FMN1: variants seen among roughly 807,000 people sequenced by gnomAD.
FMN1 encodes formin 1, also known as formin-1.
FMN1 carries 110 observed loss-of-function variants against 132.4 expected under a neutral mutation model. The observed-to-expected ratio is 0.83, with a 90% CI of 0.71 to 0.97. The LOEUF is 0.97. Among genes scored for constraint, FMN1 ranks in the 50% least tolerant of loss-of-function variants. FMN1 has a pLI of 0.00. For synonymous variants in FMN1, 722 were observed against 651.7 expected (o/e 1.11, Z -1.64); for missense variants, 1,792 against 1,705.3 (o/e 1.05, Z -0.90).
intron 2 of FMN1, among the ~76,000 whole-genome samples, chr15:33,189,847 C>G (rs567702652): frequency 1.3e-5 from 2 of 152,326 alleles, no homozygotes; most frequent in East Asian, 3.9e-4. Flanking sequence ...TCACTTGAGT[C>G]TTGCCCTTGG....
At chr15:32,878,892 T>C (rs1005610198) in intron 16 of FMN1, among the ~76,000 whole-genome samples, 10 of 152,164 alleles carry the variant, frequency 6.6e-5, no homozygotes, top group East Asian at 3.9e-4. Flanking sequence ...AGGGTAGAAA[T>C]AGAGGGTGCA....
chr15:32,943,679 T>G (rs2061444872), intron 9 of FMN1, among the ~76,000 whole-genome samples: 1 of 152,200 alleles, frequency 6.6e-6, no homozygotes, highest in African/African-American at 2.4e-5. Context: ...CACTGATACT[T>G]TAGTTTGAAT....
At chr15:33,102,510 A>C (rs1402277107) in intron 4 of FMN1, among the ~76,000 whole-genome samples, 1 of 149,930 alleles carries the variant, frequency 6.7e-6, no homozygotes, top group Non-Finnish European at 1.5e-5. Context: ...TCTTCTCTCC[A>C]TCCTTCCTCA....
At chr15:32,804,128 G>A (rs1460417619) in intron 18 of FMN1, among the ~76,000 whole-genome samples, 153 bp downstream of exon 18, 1 of 152,070 alleles carries the variant, frequency 6.6e-6, no homozygotes, top group Non-Finnish European at 1.5e-5. Context: ...GTGGGGAATG[G>A]GGAATTTGTG....
At chr15:32,774,981 A>AC (rs1217440898) in intron 20 of FMN1, among the ~76,000 whole-genome samples, 4 of 151,950 alleles carry the variant, frequency 2.6e-5, no homozygotes, top group Non-Finnish European at 5.9e-5. Flanking sequence ...AGAAACATGG[A>AC]CCCCCATGGT....
chr15:32,981,755 G>C (rs1294164325), intron 7 of FMN1, among the ~76,000 whole-genome samples: 2 of 151,848 alleles, frequency 1.3e-5, no homozygotes, highest in Non-Finnish European at 2.9e-5. Flanking sequence ...GATTCATTTA[G>C]GATATGTTAC....
At chr15:33,105,448 T>C (rs1380887266) in intron 4 of FMN1, among the ~76,000 whole-genome samples, 5 of 152,136 alleles carry the variant, frequency 3.3e-5, no homozygotes, top group Admixed American at 6.6e-5. Context: ...CCCATAATAT[T>C]ATCTAGATGG....
At chr15:33,181,180 TG>T (rs1965687142) in intron 2 of FMN1, among the ~76,000 whole-genome samples, 1 of 152,202 alleles carries the variant, frequency 6.6e-6, no homozygotes, top group Non-Finnish European at 1.5e-5. Flanking sequence ...GGGGCTCACA[TG>T]AGGCCACTCC....
intron 9 of FMN1, among the ~76,000 whole-genome samples, chr15:32,949,417 A>C (rs1419605568): frequency 6.6e-6 from 1 of 152,098 alleles, no homozygotes; most frequent in Non-Finnish European, 1.5e-5. Flanking sequence ...CAACTATCTG[A>C]CCTTTGACAA....
At chr15:33,043,133 T>G (rs999714562) in intron 6 of FMN1, among the ~76,000 whole-genome samples, 4 of 152,216 alleles carry the variant, frequency 2.6e-5, no homozygotes, top group African/African-American at 9.7e-5. Flanking sequence ...GTTAGCGCTA[T>G]GTAGTACAAT....
At chr15:33,175,121 G>A (rs1965471460) in intron 3 of FMN1, among the ~76,000 whole-genome samples, 1 of 152,100 alleles carries the variant, frequency 6.6e-6, no homozygotes, top group Admixed American at 6.5e-5. Context: ...GACATCCGAG[G>A]CTCAAGCAAT....
intron 6 of FMN1, among the ~76,000 whole-genome samples, chr15:33,058,624 AG>A (rs1197606261): frequency 6.6e-6 from 1 of 152,206 alleles, no homozygotes; most frequent in Non-Finnish European, 1.5e-5. Context: ...TTCCTATTTG[AG>A]GAATCAAAAG....
chr15:32,805,520 T>C (rs1226278526), intron 17 of FMN1, among the ~76,000 whole-genome samples: 2 of 152,244 alleles, frequency 1.3e-5, no homozygotes, highest in African/African-American at 4.8e-5. Context: ...ATCCCATTTA[T>C]CTATTTTGGC....
At chr15:33,168,575 G>T (rs960239616) in intron 3 of FMN1, among the ~76,000 whole-genome samples, 5 of 152,180 alleles carry the variant, frequency 3.3e-5, no homozygotes, top group African/African-American at 1.2e-4. Context: ...TCACCATTAA[G>T]TTTGCCTCAA....
At chr15:32,852,809 C>T (rs2059039278) in intron 17 of FMN1, among the ~76,000 whole-genome samples, 2 of 152,140 alleles carry the variant, frequency 1.3e-5, no homozygotes, top group Non-Finnish European at 1.5e-5. Flanking sequence ...CACTCCTGTA[C>T]ACATTATTTT....
At chr15:33,170,202 CTG>C (rs1965265016) in intron 3 of FMN1, among the ~76,000 whole-genome samples, 1 of 152,008 alleles carries the variant, frequency 6.6e-6, no homozygotes, top group African/African-American at 2.4e-5. Flanking sequence ...GCTGGGAAAA[CTG>C]GACATCCATC....
At chr15:33,037,628 T>C (rs963757756) in intron 6 of FMN1, among the ~76,000 whole-genome samples, 9 of 152,182 alleles carry the variant, frequency 5.9e-5, no homozygotes, top group African/African-American at 2.2e-4. Context: ...ATTGACACTT[T>C]TGTAGAAAGG....
chr15:32,808,088 T>C (rs1233195255), intron 17 of FMN1, among the ~76,000 whole-genome samples: 3 of 152,194 alleles, frequency 2.0e-5, no homozygotes, highest in African/African-American at 7.2e-5. Flanking sequence ...GTGGGCCAAG[T>C]ATAAGAATCC....
chr15:32,927,127 T>C (rs1405127823), intron 9 of FMN1, among the ~76,000 whole-genome samples: 3 of 152,304 alleles, frequency 2.0e-5, no homozygotes, highest in Admixed American at 6.5e-5. Context: ...TAAATGACTA[T>C]ATGAAAAGCA....
Sources: gnomAD v4.1 joint callset for allele counts (sites outside exome capture counted in the v4.1 genomes callset) on GRCh38, gnomAD v4.1.1 for gene constraint, MANE v1.5 for transcripts, NCBI Gene and HGNC (gene_info 2026-07-23, HGNC 2026-07-21) for gene names.